Variants in UBE2E2 observed in about 807,000 individuals in gnomAD.
UBE2E2 encodes ubiquitin conjugating enzyme E2 E2, also known as ubiquitin-conjugating enzyme E2 E2.
A neutral mutation model predicts 24.7 loss-of-function variants in UBE2E2; 6 were observed. The ratio of observed to expected loss-of-function variants is 0.24; its 90% CI spans 0.13 to 0.48. UBE2E2 has a LOEUF of 0.48. Among genes scored for constraint, UBE2E2 ranks in the 20% least tolerant of loss-of-function variants. The pLI is 0.99. For synonymous variants in UBE2E2, 104 were observed against 83.6 expected (o/e 1.24, Z -1.33); for missense variants, 169 against 245.0 (o/e 0.69, Z 2.07).
intron 3 of UBE2E2, among the ~76,000 whole-genome samples, chr3:23,338,356 G>C (rs1052209962): frequency 2.0e-5 from 3 of 152,114 alleles, no homozygotes; most frequent in Non-Finnish European, 4.4e-5. Context: ...ATAAGGTAAA[G>C]GGGAATCTAT....
chr3:23,247,788 A>G (rs868691919), intron 3 of UBE2E2, among the ~76,000 whole-genome samples: 4 of 152,172 alleles, frequency 2.6e-5, no homozygotes, highest in Non-Finnish European at 5.9e-5. Context: ...GAAATTGCTT[A>G]TGAAATAATT....
chr3:23,237,138 G>T (rs1356311053), intron 3 of UBE2E2, among the ~76,000 whole-genome samples: 1 of 152,086 alleles, frequency 6.6e-6, no homozygotes, highest in African/African-American at 2.4e-5. Context: ...GTTGTGTGAG[G>T]ATTATATGAG....
At chr3:23,285,336 C>T (rs892396847) in intron 3 of UBE2E2, among the ~76,000 whole-genome samples, 4 of 152,272 alleles carry the variant, frequency 2.6e-5, no homozygotes, top group South Asian at 2.1e-4. Context: ...CTGCAATAAA[C>T]GTGGGAATGC....
At chr3:23,274,239 TC>T (rs1415829988) in intron 3 of UBE2E2, among the ~76,000 whole-genome samples, 13 of 152,336 alleles carry the variant, frequency 8.5e-5, no homozygotes, top group Admixed American at 3.9e-4. Context: ...GTTATGAAAC[TC>T]ATATTGTTGA....
intron 3 of UBE2E2, among the ~76,000 whole-genome samples, chr3:23,356,160 C>G (rs758976303): frequency 6.6e-6 from 1 of 152,136 alleles, no homozygotes; most frequent in Non-Finnish European, 1.5e-5. Context: ...GCAGTCTGGA[C>G]CTTACTCAGG....
chr3:23,391,883 G>A (rs546226770), intron 3 of UBE2E2, among the ~76,000 whole-genome samples: 3 of 152,152 alleles, frequency 2.0e-5, no homozygotes, highest in South Asian at 2.1e-4. Flanking sequence ...GATTTAAGAC[G>A]TTATTACCCC....
intron 3 of UBE2E2, among the ~76,000 whole-genome samples, chr3:23,454,528 G>T (rs1035752242): frequency 2.0e-5 from 3 of 152,080 alleles, no homozygotes; most frequent in African/African-American, 7.2e-5. Flanking sequence ...AAAAATTATG[G>T]AATAAATTGC....
Position 23,589,862 on chromosome 3 carries a change from G to A in UBE2E2, c.*31G>A. ...TGCTGCCTGCCGCCCCGCGGGACCT[G>A]TGCAAGCACATTCACCAAGTGCATC... On this transcript the variant is annotated 3_prime_UTR_variant, in exon 6 of 6. Transcript: ENST00000396703. This position sits in a 1 kb window ranked among gnomAD's most constrained non-coding sequence, Gnocchi z 4.1. 6.2e-7 allele frequency: 1 copy of A among 1,610,412 alleles called. No individual in the cohort carries two copies. The highest frequency in any genetic ancestry group is 8.5e-7 in the Non-Finnish European group (1 of 1,177,172).
chr3:23,510,188 A>C (rs1293673610), intron 4 of UBE2E2, among the ~76,000 whole-genome samples: 1 of 152,214 alleles, frequency 6.6e-6, no homozygotes, highest in East Asian at 1.9e-4. Flanking sequence ...TCAGTACATG[A>C]TCATGGCTTA....
At chr3:23,345,302 C>T (rs1695520798) in intron 3 of UBE2E2, among the ~76,000 whole-genome samples, 1 of 152,128 alleles carries the variant, frequency 6.6e-6, no homozygotes, top group African/African-American at 2.4e-5. Context: ...TATTTGGACA[C>T]CTGGTATTAA....
chr3:23,469,069 A>C (rs750798501), intron 3 of UBE2E2, among the ~76,000 whole-genome samples: 1 of 152,132 alleles, frequency 6.6e-6, no homozygotes, highest in Non-Finnish European at 1.5e-5. Context: ...AAACAATAGA[A>C]AGTTACCTCT....
At chr3:23,473,052 T>A (rs1372566290) in intron 3 of UBE2E2, among the ~76,000 whole-genome samples, 1 of 152,014 alleles carries the variant, frequency 6.6e-6, no homozygotes, top group African/African-American at 2.4e-5. Flanking sequence ...AAAAATATTA[T>A]CCTGAGAAAA....
intron 3 of UBE2E2, among the ~76,000 whole-genome samples, chr3:23,292,551 C>T (rs1575537384): frequency 6.6e-6 from 1 of 152,166 alleles, no homozygotes; most frequent in East Asian, 1.9e-4. Context: ...TCACTTGTCT[C>T]CTAGGTGCCT....
At chr3:23,309,744 C>T (rs568485289) in intron 3 of UBE2E2, among the ~76,000 whole-genome samples, 1 of 152,266 alleles carries the variant, frequency 6.6e-6, no homozygotes, top group South Asian at 2.1e-4. Flanking sequence ...GAAGGCTTGA[C>T]TGGGGCTGGA....
chr3:23,339,068 C>A (rs1489775064), intron 3 of UBE2E2, among the ~76,000 whole-genome samples: 1 of 152,104 alleles, frequency 6.6e-6, no homozygotes, highest in Non-Finnish European at 1.5e-5. Flanking sequence ...TCAAAGTAGA[C>A]ATACTAATAA....
intron 3 of UBE2E2, among the ~76,000 whole-genome samples, chr3:23,491,314 A>C (rs751350783): frequency 2.3e-4 from 35 of 152,152 alleles, no homozygotes; most frequent in Non-Finnish European, 4.6e-4. Context: ...GTCAGTATAG[A>C]GTTCTTTTTT....
chr3:23,436,446 C>T (rs1186084860), intron 3 of UBE2E2, among the ~76,000 whole-genome samples: 3 of 152,142 alleles, frequency 2.0e-5, no homozygotes, highest in African/African-American at 4.8e-5. Context: ...TACACTGTAG[C>T]ATCTGTTGTA....
chr3:23,277,214 A>C (rs1285083695), intron 3 of UBE2E2, among the ~76,000 whole-genome samples: 1 of 152,160 alleles, frequency 6.6e-6, no homozygotes, highest in African/African-American at 2.4e-5. Flanking sequence ...ATTAAATACA[A>C]AACTAAAAAA....
At chr3:23,543,470 A>AAATAAAAT (rs1177957981) in intron 5 of UBE2E2, among the ~76,000 whole-genome samples, 1 of 152,160 alleles carries the variant, frequency 6.6e-6, no homozygotes, top group East Asian at 1.9e-4. Flanking sequence ...ATAGCTGCAA[A>AAATAAAAT]AATAAAATAA....
Sources: gnomAD v4.1 joint callset for allele counts (sites outside exome capture counted in the v4.1 genomes callset) on GRCh38, gnomAD v4.1.1 for gene constraint, Gnocchi (gnomAD v3.1) non-coding constraint, MANE v1.5 for transcripts, NCBI Gene and HGNC (gene_info 2026-07-23, HGNC 2026-07-21) for gene names.